Variants in MAML3 observed in about 807,000 individuals in gnomAD.
The protein encoded by MAML3 is mastermind-like protein 3.
In MAML3, 27 loss-of-function variants were observed where a neutral mutation model predicts 101.9. That is an observed-to-expected ratio of 0.27 (90% CI 0.20 to 0.37). The LOEUF (loss-of-function observed/expected upper bound fraction) is 0.37. MAML3 is among the 10% of genes least tolerant of loss of function. MAML3 has a pLI of 1.00. For synonymous variants in MAML3, 501 were observed against 555.9 expected (o/e 0.90, Z 1.39); for missense variants, 1,316 against 1,444.9 (o/e 0.91, Z 1.45).
intron 1 of MAML3, among the ~76,000 whole-genome samples, chr4:140,091,174 C>T (rs1728040021): frequency 6.6e-6 from 1 of 152,114 alleles, no homozygotes; most frequent in African/African-American, 2.4e-5. Flanking sequence ...ATGAAGTCTG[C>T]ATAGCAAAAA....
intron 2 of MAML3, among the ~76,000 whole-genome samples, chr4:139,775,878 C>T (rs1013528411): frequency 1.3e-5 from 2 of 152,068 alleles, no homozygotes; most frequent in Non-Finnish European, 2.9e-5. Flanking sequence ...TTTATGGTTC[C>T]GACTGCTTAG....
At chr4:139,829,972 C>T (rs1731132714) in intron 2 of MAML3, among the ~76,000 whole-genome samples, 1 of 152,134 alleles carries the variant, frequency 6.6e-6, no homozygotes, top group Admixed American at 6.5e-5. Flanking sequence ...AGGAAGTGGC[C>T]ATGTCTGAGC....
At chr4:140,140,238 T>C (rs1728957696) in intron 1 of MAML3, among the ~76,000 whole-genome samples, 2 of 151,942 alleles carry the variant, frequency 1.3e-5, no homozygotes, top group Non-Finnish European at 2.9e-5. Context: ...GCAAGAGAAT[T>C]GCCTGAACCC....
intron 2 of MAML3, among the ~76,000 whole-genome samples, chr4:139,853,956 G>A (rs1229025236): frequency 1.3e-5 from 2 of 152,022 alleles, no homozygotes; most frequent in African/African-American, 4.8e-5. Context: ...TGAGTAGCTG[G>A]GATTACAGGC....
At chr4:139,983,364 C>T (rs1475702962) in intron 1 of MAML3, among the ~76,000 whole-genome samples, 1 of 152,120 alleles carries the variant, frequency 6.6e-6, no homozygotes, top group Non-Finnish European at 1.5e-5. Flanking sequence ...AATATATAGC[C>T]TTTTCAGACC....
intron 1 of MAML3, among the ~76,000 whole-genome samples, chr4:139,946,064 A>C (rs1733721202): frequency 6.6e-6 from 1 of 152,214 alleles, no homozygotes; most frequent in Non-Finnish European, 1.5e-5. Flanking sequence ...TCAGAATGGA[A>C]AATACCAACA....
chr4:139,823,259 A>G (rs1731005658), intron 2 of MAML3, among the ~76,000 whole-genome samples: 1 of 152,220 alleles, frequency 6.6e-6, no homozygotes, highest in Non-Finnish European at 1.5e-5. Context: ...CCACTGACAA[A>G]GGCAGAAAGA....
intron 1 of MAML3, among the ~76,000 whole-genome samples, chr4:139,903,568 G>A (rs1362656243): frequency 1.3e-5 from 2 of 152,140 alleles, no homozygotes; most frequent in Non-Finnish European, 2.9e-5. Context: ...CACTTCATAC[G>A]TTGAAGTCCT....
In MAML3 at chr4:140,091,534, A is replaced by AC. The variant is rs1343304644; in HGVS notation, c.468+61325_468+61326insG. Among the ~76,000 whole-genome samples, 642 of 105,944 alleles carry AC rather than the reference A, an allele frequency of 6.1e-3. 11 individuals are homozygous for AC. The highest frequency in any genetic ancestry group is 0.018 in the African/African-American group (590 of 32,218). 69.5% of individuals were successfully genotyped at this position (105,944 alleles called of 152,430 possible). A position where few individuals can be genotyped will look rare whatever the true frequency, so the allele number is the denominator to read the frequency against. ...TAGTGTAAAACAAAACAAAACAACA[A>AC]AACAAAAACAAAACAAAAAAAAAAA... On this transcript the variant is annotated intron_variant, in intron 1 of 4. Transcript: ENST00000509479.
At chr4:139,869,742 T>C (rs78450148) in intron 2 of MAML3, among the ~76,000 whole-genome samples, 6,682 of 152,020 alleles carry the variant, frequency 0.044, 202 homozygotes, top group African/African-American at 0.09. Context: ...GGGGAAGAAA[T>C]ATAGAAAAGA....
chr4:139,973,178 T>C (rs1053588902), intron 1 of MAML3, among the ~76,000 whole-genome samples: 2 of 152,216 alleles, frequency 1.3e-5, no homozygotes, highest in African/African-American at 4.8e-5. Flanking sequence ...AATCATGCTA[T>C]GGTCAACTAA....
intron 2 of MAML3, among the ~76,000 whole-genome samples, chr4:139,732,488 C>T (rs1021878394): frequency 1.3e-5 from 2 of 152,172 alleles, no homozygotes; most frequent in Non-Finnish European, 2.9e-5. Context: ...TAGAAACAAT[C>T]ACCCAAGAAG....
intron 2 of MAML3, among the ~76,000 whole-genome samples, chr4:139,731,769 C>T (rs1467916907): frequency 6.6e-6 from 1 of 152,146 alleles, no homozygotes; most frequent in Non-Finnish European, 1.5e-5. Flanking sequence ...GTGGTAAAGA[C>T]CTAATTCCAC....
chr4:140,029,940 G>A, intron 1 of MAML3, among the ~76,000 whole-genome samples: 1 of 152,020 alleles, frequency 6.6e-6, no homozygotes, highest in South Asian at 2.1e-4. Flanking sequence ...AAATAAGTTG[G>A]GTTTTTTCCC....
intron 1 of MAML3, among the ~76,000 whole-genome samples, chr4:139,958,633 G>T (rs1578616854): frequency 6.6e-6 from 1 of 152,156 alleles, no homozygotes; most frequent in East Asian, 1.9e-4. Context: ...CAAATTTGGG[G>T]CATGTCAAGA....
intron 2 of MAML3, among the ~76,000 whole-genome samples, chr4:139,874,645 C>T (rs905784138): frequency 3.3e-5 from 5 of 152,058 alleles, no homozygotes; most frequent in South Asian, 4.1e-4. Context: ...CTTACACTCT[C>T]CTAGAGGATT....
rs1412462333 is a variant in MAML3 at position 139,772,173 on chromosome 4, C to G, written c.2080-41506G>C. On this transcript the variant is annotated intron_variant, in intron 2 of 4. Coordinates refer to ENST00000509479, the MANE Select transcript of MAML3 (RefSeq NM_018717.5). ...GAGAATGGCGTGAACCCGGGAGGCG[C>G]AGTTTGCAGTGAGCCGAGATCGCGC... is the stretch of plus-strand genomic sequence containing the variant. Among the ~76,000 whole-genome samples, 457 of 126,814 alleles carry G rather than the reference C, an allele frequency of 3.6e-3. 5 individuals carry two copies. Among genetic ancestry groups the G allele is most frequent in the African/African-American group, 0.013 (422 of 32,178 alleles). 83.2% of individuals were successfully genotyped at this position (126,814 alleles called of 152,430 possible). A position where few individuals can be genotyped will look rare whatever the true frequency, so the allele number is the denominator to read the frequency against.
chr4:139,803,495 G>A (rs1024419843), intron 2 of MAML3, among the ~76,000 whole-genome samples: 6 of 152,188 alleles, frequency 3.9e-5, no homozygotes, highest in Non-Finnish European at 2.9e-5. Context: ...GTCAGCAGGC[G>A]TTTGGGAGAT....
chr4:139,996,686 C>CATGTGT lies in MAML3; in HGVS notation c.469-105720_469-105719insACACAT, dbSNP rs59834103. 6.5e-3 allele frequency among the ~76,000 whole-genome samples: 976 copies of CATGTGT among 150,962 alleles called. 10 individuals are homozygous for CATGTGT. The highest frequency in any genetic ancestry group is 0.04 in the East Asian group (208 of 5,148). On this transcript the variant is annotated intron_variant, in intron 1 of 4. Coordinates refer to ENST00000509479, the MANE Select transcript of MAML3 (RefSeq NM_018717.5). ...TTCTATGGACAGTATATAGTTGTAT[C>CATGTGT]GTGTGTGTGTGTGTGTGTGTGTTTT...
Sources: allele counts gnomAD v4.1 joint callset (sites outside exome capture counted in the v4.1 genomes callset), GRCh38; gene constraint gnomAD v4.1.1; transcripts MANE v1.5; gene names NCBI Gene and HGNC (gene_info 2026-07-23, HGNC 2026-07-21).